PHACTR2: variants seen among roughly 807,000 people sequenced by gnomAD.
PHACTR2 encodes the protein phosphatase and actin regulator 2.
In PHACTR2, 30 loss-of-function variants were observed where a neutral mutation model predicts 76.0. The ratio of observed to expected loss-of-function variants is 0.39; its 90% CI spans 0.30 to 0.54. PHACTR2 has a LOEUF of 0.54. Ranked by LOEUF, PHACTR2 falls within the 20% of genes least tolerant of loss-of-function variation. The pLI is 0.61. For synonymous variants in PHACTR2, 292 were observed against 292.5 expected (o/e 1.00, Z 0.02); for missense variants, 696 against 781.1 (o/e 0.89, Z 1.30).
rs1775769900 is a variant in PHACTR2, at chr6:143,597,732, G to A, written c.217+60525G>A. On this transcript the variant is annotated intron_variant, in intron 1 of 11. Coordinates refer to the PHACTR2 transcript ENST00000367584. The surrounding 1 kb of genome is among the most constrained non-coding windows in gnomAD (Gnocchi z 5.7). ...TAAACACTTCTTCCTTTAAGCCACT[G>A]AACATGCTGGACCCAGGCTTTGGAA... is the stretch of plus-strand genomic sequence containing the variant. Among the ~76,000 whole-genome samples the A allele has an allele frequency of 6.6e-6, 1 of 152,178 alleles. No individual in the cohort carries two copies. Among genetic ancestry groups the A allele is most frequent in the Non-Finnish European group, 1.5e-5 (1 of 68,034 alleles).
rs1303829422 is a variant in PHACTR2, at chr6:143,581,819, G to A, written c.217+44612G>A. On this transcript the variant is annotated intron_variant, in intron 1 of 11. Coordinates refer to the PHACTR2 transcript ENST00000367584. This position sits in a 1 kb window ranked among gnomAD's most constrained non-coding sequence, Gnocchi z 4.5. ...TGCACTCCAGCCTGGGTGACAGAGT[G>A]AGAACCCTGTTCCCCTCCCCACCCC... is the stretch of plus-strand genomic sequence containing the variant. 2.6e-5 allele frequency among the ~76,000 whole-genome samples: 4 copies of A among 152,088 alleles called. No individual in the cohort carries two copies. The highest frequency in any genetic ancestry group is 9.7e-5 in the African/African-American group (4 of 41,390).
rs374380591 is a variant in PHACTR2, at chr6:143,764,230, G to A, written c.695-1031G>A. On this transcript the variant is annotated intron_variant, in intron 5 of 12. Transcript: ENST00000440869. The surrounding 1 kb of genome is among the most constrained non-coding windows in gnomAD (Gnocchi z 4.7). ...ATTCACATTATTTAGAACCAGACAC[G>A]GTGGCTCACACCTGTAATTCTTTGG... Among the ~76,000 whole-genome samples the A allele has an allele frequency of 1.1e-4, 17 of 152,172 alleles. No homozygotes were observed. The highest frequency in any genetic ancestry group is 3.4e-3 in the Middle Eastern group (1 of 294).
rs1455880987 is a variant in PHACTR2 at position 143,548,501 on chromosome 6, G to A, written c.217+11294G>A. Among the ~76,000 whole-genome samples, 2 of 152,048 alleles carry A rather than the reference G, an allele frequency of 1.3e-5. No individual in the cohort carries two copies. The highest frequency in any genetic ancestry group is 6.6e-5 in the Admixed American group (1 of 15,252). ...GATTTCCCCTATTTACATGTCTTCT[G>A]TTAAAGCTAGCAGAGAGGGCTTCCC... is the stretch of plus-strand genomic sequence containing the variant. On this transcript the variant is annotated intron_variant, in intron 1 of 11. Coordinates refer to the PHACTR2 transcript ENST00000367584. The surrounding 1 kb of genome is among the most constrained non-coding windows in gnomAD (Gnocchi z 4.5).
In PHACTR2 at chr6:143,828,653, G is replaced by A. The variant is rs1400351636; in HGVS notation, c.*4964G>A. 6.6e-6 allele frequency: 1 copy of A among 152,146 alleles called. No individual in the cohort carries two copies. Among genetic ancestry groups the A allele is most frequent in the African/African-American group, 2.4e-5 (1 of 41,436 alleles). The allele number at this position is 152,146 out of a possible 1,614,324, so 9.4% of individuals were successfully genotyped here. On this transcript the variant is annotated 3_prime_UTR_variant, in exon 13 of 13. Transcript: ENST00000440869. This position sits in a 1 kb window ranked among gnomAD's most constrained non-coding sequence, Gnocchi z 4.7. ...AGGATTTACTGCACACACAAAAAAT[G>A]TCATTTAGCTTGTCACATTGCTAGC...
At chr6:143,802,647 CAAAAAAA>C (rs55737411) in intron 11 of PHACTR2, among the ~76,000 whole-genome samples, 1 of 90,168 alleles carries the variant, frequency 1.1e-5, no homozygotes, top group African/African-American at 4.3e-5. Context: ...GACCCTGTCT[CAAAAAAA>C]AAAAAAAAAA....
chr6:143,820,812 G>A lies in PHACTR2; in HGVS notation c.1923-2862G>A, dbSNP rs1776402516. 6.6e-6 allele frequency among the ~76,000 whole-genome samples: 1 copy of A among 152,240 alleles called. No individual in the cohort carries two copies. Among genetic ancestry groups the A allele is most frequent in the Non-Finnish European group, 1.5e-5 (1 of 68,048 alleles). On this transcript the variant is annotated intron_variant, in intron 12 of 12. Coordinates refer to ENST00000440869, the MANE Select transcript of PHACTR2 (RefSeq NM_001100164.2). The surrounding 1 kb of genome is among the most constrained non-coding windows in gnomAD (Gnocchi z 4.2). ...TTCCCTTCCACACTGCCCTAGTAGAGGTTCTCTGTGGGGGCTGTGCCCTTC... is the reference window on the plus strand; with the variant it reads ...TTCCCTTCCACACTGCCCTAGTAGAAGTTCTCTGTGGGGGCTGTGCCCTTC...
rs1779181532 is a variant in PHACTR2 at position 143,751,565 on chromosome 6, C to G, written c.296-2189C>G. Among the ~76,000 whole-genome samples the G allele has an allele frequency of 6.6e-6, 1 of 152,090 alleles. No individual in the cohort carries two copies. The highest frequency in any genetic ancestry group is 2.4e-5 in the African/African-American group (1 of 41,398). ...CTTTAACTATGATATATCCCCAATA[C>G]ACCTGTTTACTAGAAGGAGGTGACC... On this transcript the variant is annotated intron_variant, in intron 3 of 12. Transcript: ENST00000440869. This position sits in a 1 kb window ranked among gnomAD's most constrained non-coding sequence, Gnocchi z 5.7.
In PHACTR2 at chr6:143,733,354, A is replaced by G. The variant is rs2128466135; in HGVS notation, c.215-15631A>G. Among the ~76,000 whole-genome samples, 1 of 152,264 alleles carries G rather than the reference A, an allele frequency of 6.6e-6. No homozygotes were observed. Among genetic ancestry groups the G allele is most frequent in the South Asian group, 2.1e-4 (1 of 4,830 alleles). ...GGGATTTTTGTTTTCTTCTTTGGTGAGATCTCAAAGAAACTTGTATAGTGC... is the reference window on the plus strand; with the variant it reads ...GGGATTTTTGTTTTCTTCTTTGGTGGGATCTCAAAGAAACTTGTATAGTGC... On this transcript the variant is annotated intron_variant, in intron 2 of 12. Coordinates refer to ENST00000440869, the MANE Select transcript of PHACTR2 (RefSeq NM_001100164.2). The surrounding 1 kb of genome is among the most constrained non-coding windows in gnomAD (Gnocchi z 4.0).
intron 1 of PHACTR2, among the ~76,000 whole-genome samples, chr6:143,563,925 A>T (rs763504043): frequency 1.9e-4 from 29 of 151,480 alleles, no homozygotes; most frequent in Non-Finnish European, 3.2e-4. Context: ...GATTGCTGGA[A>T]CCCTTGAGGT....
At chr6:143,588,599 A>G (rs553253936) in intron 1 of PHACTR2, among the ~76,000 whole-genome samples, 14 of 152,338 alleles carry the variant, frequency 9.2e-5, no homozygotes, top group Non-Finnish European at 1.8e-4. Context: ...AGCAGGAAGA[A>G]TGTAATAAAG....
Position 143,618,922 on chromosome 6 carries a change from A to G in PHACTR2, c.13+10600A>G, listed in dbSNP as rs1310799639. On this transcript the variant is annotated intron_variant, in intron 1 of 11. Coordinates refer to the PHACTR2 transcript ENST00000305766. The surrounding 1 kb of genome is among the most constrained non-coding windows in gnomAD (Gnocchi z 5.2). ...GCCACGTCTCCTTCTTGAGCCTTAT[A>G]CTAAGTACTGTACCTGGCAGAGGAG... Among the ~76,000 whole-genome samples, 1 of 151,994 alleles carries G rather than the reference A, an allele frequency of 6.6e-6. No individual in the cohort carries two copies. Among genetic ancestry groups the G allele is most frequent in the African/African-American group, 2.4e-5 (1 of 41,372 alleles).
chr6:143,558,426 C>T lies in PHACTR2; in HGVS notation c.217+21219C>T, dbSNP rs1382262600. On this transcript the variant is annotated intron_variant, in intron 1 of 11. Transcript: ENST00000367584. This position sits in a 1 kb window ranked among gnomAD's most constrained non-coding sequence, Gnocchi z 4.7. ...TTTCCCGTTACTATGTAAACATGTC[C>T]TATTTGCATTAGAAATATTAAATTT... Among the ~76,000 whole-genome samples the T allele has an allele frequency of 6.6e-6, 1 of 152,074 alleles. No homozygotes were observed. Among genetic ancestry groups the T allele is most frequent in the Non-Finnish European group, 1.5e-5 (1 of 68,012 alleles).
rs1373730715 is a variant in PHACTR2 at position 143,599,960 on chromosome 6, C to T, written c.217+62753C>T. On this transcript the variant is annotated intron_variant, in intron 1 of 11. Transcript: ENST00000367584. The surrounding 1 kb of genome is among the most constrained non-coding windows in gnomAD (Gnocchi z 4.6). ...CTAAAGCTTTCAAGGTTTGGCCTGG[C>T]CAAATGATCATGTCAGTGAGCTGGA... Among the ~76,000 whole-genome samples, 1 of 152,190 alleles carries T rather than the reference C, an allele frequency of 6.6e-6. No individual in the cohort carries two copies. Among genetic ancestry groups the T allele is most frequent in the Non-Finnish European group, 1.5e-5 (1 of 68,036 alleles).
intron 1 of PHACTR2, among the ~76,000 whole-genome samples, chr6:143,614,879 A>T (rs9496707): frequency 0.56 from 85,401 of 152,054 alleles, 25,706 homozygotes; most frequent in Middle Eastern, 0.71. Context: ...AGATTTTATC[A>T]ATCCAAATGT....
intron 2 of PHACTR2, among the ~76,000 whole-genome samples, chr6:143,746,861 C>G (rs936667560): frequency 6.6e-6 from 1 of 151,828 alleles, no homozygotes; most frequent in African/African-American, 2.4e-5. Context: ...ACTCTTTGCC[C>G]GGTTAACTTT....
At chr6:143,716,068 A>T (rs751675318) in intron 2 of PHACTR2, among the ~76,000 whole-genome samples, 49 of 152,160 alleles carry the variant, frequency 3.2e-4, no homozygotes, top group Non-Finnish European at 7.1e-4. Context: ...GGGGAACCTG[A>T]CCTAGCTGGT....
At chr6:143,687,070 T>C (rs1777542597) in intron 1 of PHACTR2, among the ~76,000 whole-genome samples, 1 of 152,198 alleles carries the variant, frequency 6.6e-6, no homozygotes, top group Non-Finnish European at 1.5e-5. Flanking sequence ...TTTTTTAGTC[T>C]GTTCGATAAT....
At chr6:143,715,880 G>T (rs1246692019) in intron 2 of PHACTR2, among the ~76,000 whole-genome samples, 1 of 152,132 alleles carries the variant, frequency 6.6e-6, no homozygotes, top group African/African-American at 2.4e-5. Flanking sequence ...TTCTCCTCAC[G>T]CAGAGTCTTT....
intron 6 of PHACTR2, among the ~76,000 whole-genome samples, chr6:143,766,278 A>G (rs1050107438): frequency 1.3e-5 from 2 of 152,170 alleles, no homozygotes; most frequent in African/African-American, 4.8e-5. Context: ...CACCCAGCTT[A>G]AATGTTATGT....
Sources: gnomAD v4.1 joint callset for allele counts (sites outside exome capture counted in the v4.1 genomes callset) on GRCh38, gnomAD v4.1.1 for gene constraint, Gnocchi (gnomAD v3.1) non-coding constraint, MANE v1.5 for transcripts, NCBI Gene and HGNC (gene_info 2026-07-23, HGNC 2026-07-21) for gene names.